Variants in B3GAT1 observed in about 807,000 individuals in gnomAD.
The protein encoded by B3GAT1 is galactosylgalactosylxylosylprotein 3-beta-glucuronosyltransferase 1.
B3GAT1 carries 11 observed loss-of-function variants against 28.4 expected under a neutral mutation model. The observed-to-expected ratio is 0.39, with a 90% CI of 0.24 to 0.64. The LOEUF is 0.64. Ranked by LOEUF, B3GAT1 falls within the 30% of genes least tolerant of loss-of-function variation. B3GAT1 has a pLI of 0.50. For synonymous variants in B3GAT1, 255 were observed against 223.1 expected, an observed-to-expected ratio of 1.14 and a Z score of -1.27; for missense variants, 375 against 491.0, an observed-to-expected ratio of 0.76 and a Z score of 2.23.
intron 1 of B3GAT1, among the ~76,000 whole-genome samples, chr11:134,406,484 G>T (rs2136339815): frequency 6.7e-6 from 1 of 148,672 alleles, no homozygotes. Flanking sequence ...CATCCTAGGG[G>T]AGGAGGTGGA....
intron 1 of B3GAT1, among the ~76,000 whole-genome samples, chr11:134,404,660 A>G (rs1244948442): frequency 1.3e-5 from 2 of 152,148 alleles, no homozygotes; most frequent in African/African-American, 4.8e-5. Context: ...GCCCCCCTCC[A>G]AGGCTCCAGG....
rs548105947 is a variant in B3GAT1 at position 134,407,897 on chromosome 11, G to T, written c.-282+3910C>A. Among the ~76,000 whole-genome samples the T allele has an allele frequency of 1.7e-3, 265 of 152,258 alleles. 1 individual carries two copies. Among genetic ancestry groups the T allele is most frequent in the African/African-American group, 5.9e-3 (245 of 41,548 alleles). On this transcript the variant is annotated intron_variant, in intron 1 of 5. Transcript: ENST00000312527. ...TGTTGGTGCAAGTGAACTGAATTTTGGGGGCTCTCTGACCACCCTGTCACC... is the reference window on the plus strand; with the variant it reads ...TGTTGGTGCAAGTGAACTGAATTTTTGGGGCTCTCTGACCACCCTGTCACC...
At position 134,393,660 on chromosome 11, in the gene B3GAT1, G is replaced by T. The variant is rs1944452850; in HGVS notation, c.-281-5720C>A. Among the ~76,000 whole-genome samples the T allele has an allele frequency of 2.6e-5, 4 of 152,208 alleles. No homozygotes were observed. Among genetic ancestry groups the T allele is most frequent in the Admixed American group, 1.3e-4 (2 of 15,292 alleles). ...AACAGTTTACATGACATTCTGTGAT[G>T]ACAGTAGCAAGCGAGACGGTGAGTG... On this transcript the variant is annotated intron_variant, in intron 1 of 5. Transcript: ENST00000312527. The surrounding 1 kb of genome is among the most constrained non-coding windows in gnomAD (Gnocchi z 4.0).
In B3GAT1 at chr11:134,387,570, T is replaced by C; in HGVS notation, c.90A>G (p.Ala30=). 1 of 1,613,802 alleles carries C rather than the reference T, an allele frequency of 6.2e-7. No individual in the cohort carries two copies. Residue 30 remains alanine (A), a synonymous_variant, in exon 2 of 6, where the codon GCA becomes GCG. Transcript: ENST00000312527. ...LITVWHQSTL[A]PLLAVHKDEG... ...CACCCTTATGTACCGCGAGCAGGGG[T>C]GCGAGGGTGCTCTGGTGCCAGACAG...
At position 134,393,922 on chromosome 11, in the gene B3GAT1, CT is replaced by C. The variant is rs548766939; in HGVS notation, c.-281-5983del. ...TTGTCCCACAGATCTCCAGGTGCCCCTAATGGGATCAGCGGATTAGTATTGA... is the reference window on the plus strand; with the variant it reads ...TTGTCCCACAGATCTCCAGGTGCCCCAATGGGATCAGCGGATTAGTATTGA... On this transcript the variant is annotated intron_variant, in intron 1 of 5. Coordinates refer to ENST00000312527, the MANE Select transcript of B3GAT1 (RefSeq NM_054025.3). This position sits in a 1 kb window ranked among gnomAD's most constrained non-coding sequence, Gnocchi z 4.0. 5.9e-5 allele frequency among the ~76,000 whole-genome samples: 9 copies of C among 152,348 alleles called. 2 individuals are homozygous for C. The highest frequency in any genetic ancestry group is 4.6e-4 in the Admixed American group (7 of 15,308).
At chr11:134,410,399 A>C (rs1944830966) in intron 1 of B3GAT1, among the ~76,000 whole-genome samples, 1 of 152,220 alleles carries the variant, frequency 6.6e-6, no homozygotes, top group Non-Finnish European at 1.5e-5. Flanking sequence ...TAACTCTCCC[A>C]GTCCCATTAA....
chr11:134,384,177 C>G lies in B3GAT1; in HGVS notation c.124G>C (p.Asp42His), dbSNP rs754184239. The G allele has an allele frequency of 6.5e-7, 1 of 1,542,922 alleles. No individual in the cohort carries two copies. Among genetic ancestry groups the G allele is most frequent in the Non-Finnish European group, 8.7e-7 (1 of 1,145,202 alleles). ...CCGGGCGGCGTTTCGCGTCGGGGGT[C>G]ACTGCCCTCATCTGCGGAGTCGGGA... ...LLAVHKDEGS[D>H]PRRETPPGAD... The change falls in exon 3 of 6, where the codon GAC becomes CAC. Residue 42 changes from aspartate (D) to histidine (H), a missense_variant. Asp to His is a moderately conservative substitution (Grantham distance 81, BLOSUM62 -1). Coordinates refer to ENST00000312527, the MANE Select transcript of B3GAT1 (RefSeq NM_054025.3).
At position 134,387,680 on chromosome 11, in the gene B3GAT1, A is replaced by G; in HGVS notation, c.-21T>C. The G allele has an allele frequency of 6.2e-7, 1 of 1,613,684 alleles. No individual in the cohort carries two copies. Among genetic ancestry groups the G allele is most frequent in the Non-Finnish European group, 8.5e-7 (1 of 1,179,916 alleles). On this transcript the variant is annotated 5_prime_UTR_variant, in exon 2 of 6. Transcript: ENST00000312527. The stretch of plus-strand genomic sequence containing the variant: ...GGCATCTCCAAGGCTGGCTGCACCC[A>G]CGGCTCCTCATTACCTGAGTGGCGG...
chr11:134,389,179 T>A (rs1944358493), intron 1 of B3GAT1: 1 of 152,204 alleles, frequency 6.6e-6, no homozygotes, highest in South Asian at 2.1e-4. Context: ...CTCACTGTGG[T>A]TTCAATTTGC....
intron 1 of B3GAT1, among the ~76,000 whole-genome samples, chr11:134,404,034 T>TTTATTTATTTATTA (rs1555098490): frequency 1.5e-5 from 2 of 132,140 alleles, no homozygotes; most frequent in African/African-American, 5.8e-5. Flanking sequence ...TATATATTTA[T>TTTATTTATTTATTA]TATACGTTAA....
intron 1 of B3GAT1, among the ~76,000 whole-genome samples, chr11:134,396,817 C>T (rs920411733): frequency 1.3e-5 from 2 of 152,172 alleles, no homozygotes; most frequent in African/African-American, 2.4e-5. Context: ...GAAAGCCCCA[C>T]GTCACCTCCA....
In B3GAT1 at chr11:134,384,149, G is replaced by A; in HGVS notation, c.152C>T (p.Ala51Val). ...SDPRRETPPG[A>V]DPREYCTSDR... is the part of the protein sequence containing the mutation. ...AGACGTGCAGTACTCCCTGGGGTCGGCGCCGGGCGGCGTTTCGCGTCGGGG... is the reference window on the plus strand; with the variant it reads ...AGACGTGCAGTACTCCCTGGGGTCGACGCCGGGCGGCGTTTCGCGTCGGGG... The change falls in exon 3 of 6, where the codon GCC (alanine) becomes GTC (valine). Residue 51 changes from alanine (A) to valine (V), a missense_variant. By Grantham distance (64) the Ala-to-Val change is moderately conservative. Coordinates refer to ENST00000312527, the MANE Select transcript of B3GAT1 (RefSeq NM_054025.3). 6.4e-7 allele frequency: 1 copy of A among 1,560,684 alleles called. No homozygotes were observed. The highest frequency in any genetic ancestry group is 1.7e-4 in the Middle Eastern group (1 of 5,764).
chr11:134,407,692 G>A (rs1184634933), intron 1 of B3GAT1, among the ~76,000 whole-genome samples: 1 of 152,082 alleles, frequency 6.6e-6, no homozygotes, highest in East Asian at 1.9e-4. Flanking sequence ...TTTTAATATT[G>A]GCTGGAGCTA....
In B3GAT1 at chr11:134,378,996, T is replaced by A. The variant is rs1312559976; in HGVS notation, c.*1766A>T. On this transcript the variant is annotated 3_prime_UTR_variant, in exon 6 of 6. Coordinates refer to ENST00000312527, the MANE Select transcript of B3GAT1 (RefSeq NM_054025.3). ...GGCAGTAGAGTGCCCACACATAAGC[T>A]CACCACCTGTGCCCACCTCCTCCCT... The A allele has an allele frequency of 1.3e-5, 2 of 152,116 alleles. No individual in the cohort carries two copies. 9.4% of individuals were successfully genotyped at this position (152,116 alleles called of 1,614,324 possible).
At chr11:134,402,094 G>A (rs558781505) in intron 1 of B3GAT1, among the ~76,000 whole-genome samples, 236 of 152,186 alleles carry the variant, frequency 1.6e-3, no homozygotes, top group Middle Eastern at 3.4e-3. Flanking sequence ...CAGGCGACAA[G>A]GCACTTTCTC....
At position 134,379,529 on chromosome 11, in the gene B3GAT1, G is replaced by A. The variant is rs934658108; in HGVS notation, c.*1233C>T. 1 of 152,472 alleles carries A rather than the reference G, an allele frequency of 6.6e-6. No individual in the cohort carries two copies. The highest frequency in any genetic ancestry group is 2.4e-5 in the African/African-American group (1 of 41,460). 9.4% of individuals were successfully genotyped at this position (152,472 alleles called of 1,614,324 possible). A position where few individuals can be genotyped will look rare whatever the true frequency, so the allele number is the denominator to read the frequency against. On this transcript the variant is annotated 3_prime_UTR_variant, in exon 6 of 6. Transcript: ENST00000312527. The stretch of plus-strand genomic sequence containing the variant: ...TCTCCAGGATGGAAAGTGGACAGCT[G>A]GACATGAGGTGGGCTAGCTCTGCAT...
intron 1 of B3GAT1, among the ~76,000 whole-genome samples, chr11:134,409,481 G>A (rs1199291598): frequency 1.3e-5 from 2 of 152,204 alleles, no homozygotes; most frequent in Admixed American, 6.5e-5. Context: ...GGTGAAGGGT[G>A]TCCCTGAAAG....
intron 3 of B3GAT1, among the ~76,000 whole-genome samples, 167 bp from the exon 4 acceptor site, chr11:134,383,173 G>A (rs546958469): frequency 2.1e-4 from 32 of 152,284 alleles, no homozygotes; most frequent in Admixed American, 2.1e-3. Context: ...CATCCCATGG[G>A]TTGGGCACCT....
intron 1 of B3GAT1, among the ~76,000 whole-genome samples, chr11:134,401,592 G>C (rs916637239): frequency 6.6e-6 from 1 of 152,064 alleles, no homozygotes; most frequent in African/African-American, 2.4e-5. Context: ...GAAGAAGGGA[G>C]GGGGGAAGGG....
Sources: gnomAD v4.1 joint callset for allele counts (sites outside exome capture counted in the v4.1 genomes callset) on GRCh38, gnomAD v4.1.1 for gene constraint, Gnocchi (gnomAD v3.1) non-coding constraint, MANE v1.5 for transcripts, NCBI Gene and HGNC (gene_info 2026-07-23, HGNC 2026-07-21) for gene names.